PCDHA10: variants seen among roughly 807,000 people sequenced by gnomAD.
The protein encoded by PCDHA10 is protocadherin alpha 10, also known as protocadherin alpha-10.
Under a neutral mutation model 61.2 loss-of-function variants are expected in PCDHA10, and 45 were observed. That is an observed-to-expected ratio of 0.74 (90% confidence interval 0.58 to 0.94). The LOEUF (loss-of-function observed/expected upper bound fraction) is 0.94, where lower values mean the gene tolerates loss of function less well. PCDHA10 is among the 40% of genes least tolerant of loss of function. The pLI, the probability that PCDHA10 is intolerant of heterozygous loss-of-function variation, is 0.00. For synonymous variants in PCDHA10, 602 were observed against 548.8 expected (o/e 1.10, Z -1.35); for missense variants, 1,278 against 1,236.2 (o/e 1.03, Z -0.51).
intron 1 of PCDHA10, chr5:140,869,903 C>A: frequency 1.2e-6 from 2 of 1,610,648 alleles, no homozygotes; most frequent in Non-Finnish European, 1.7e-6. Flanking sequence ...CTAAACGCCA[C>A]AGACCGAGAC....
At chr5:140,927,989 A>T (rs2084847354) in intron 1 of PCDHA10, 1 of 1,614,208 alleles carries the variant, frequency 6.2e-7, no homozygotes, top group African/African-American at 1.3e-5. Flanking sequence ...AGTGTAAAGG[A>T]TGAAGACCTC....
At chr5:140,943,908 C>G (rs1554216015) in intron 1 of PCDHA10, among the ~76,000 whole-genome samples, 1 of 152,198 alleles carries the variant, frequency 6.6e-6, no homozygotes, top group Admixed American at 6.5e-5. Context: ...GTCATGAGCA[C>G]TTTAGCATGA....
intron 1 of PCDHA10, chr5:140,869,471 T>C (rs1554163114): frequency 6.2e-7 from 1 of 1,613,696 alleles, no homozygotes; most frequent in South Asian, 1.1e-5. Flanking sequence ...AACGTGGAGG[T>C]GAAGGACATT....
rs267600397 is a variant in PCDHA10, at chr5:140,856,893, C to T, written c.845C>T (p.Ser282Phe). The T allele has an allele frequency of 6.3e-7, 1 of 1,596,420 alleles. No individual in the cohort carries two copies. The highest frequency in any genetic ancestry group is 8.6e-7 in the Non-Finnish European group (1 of 1,166,276). The change falls in exon 1 of 4, where the codon TCT becomes TTT. Residue 282 changes from serine to phenylalanine, a missense_variant. By Grantham distance (155) the Ser-to-Phe change is radical. Coordinates refer to ENST00000307360, the MANE Select transcript of PCDHA10 (RefSeq NM_018901.4). ...INKEMMYSFS[S>F]LVPPTIRRKF... ...AAGGAAATGATGTATTCATTTAGCT[C>T]TTTGGTCCCACCCACGATAAGAAGG... is the stretch of plus-strand genomic sequence containing the variant.
In PCDHA10 at chr5:140,870,098, A is replaced by G. The variant is rs181372298; in HGVS notation, c.2388+11662A>G. 3.1e-6 allele frequency: 5 copies of G among 1,613,860 alleles called. No individual in the cohort carries two copies. The East Asian group carries it at 1.1e-4, about 36-fold the overall frequency. On this transcript the variant is annotated intron_variant, in intron 1 of 3. Transcript: ENST00000307360. ...AAGGGGACTCCCCCAATGGCAGGTC[A>G]CTGTACAGTCTGGGTGGAAATCTTG... is the stretch of plus-strand genomic sequence containing the variant.
chr5:140,888,620 C>T lies in PCDHA10; in HGVS notation c.2388+30184C>T, dbSNP rs183005411. Among the ~76,000 whole-genome samples the T allele has an allele frequency of 3.4e-3, 514 of 152,264 alleles. 3 individuals are homozygous for T. The highest frequency in any genetic ancestry group is 0.014 in the Middle Eastern group (4 of 294). On this transcript the variant is annotated intron_variant, in intron 1 of 3. Coordinates refer to ENST00000307360, the MANE Select transcript of PCDHA10 (RefSeq NM_018901.4). ...AGCAGCTTTTAGTGTAGCACTAATT[C>T]GGCCTTCTATTACAGCAATACTTTC...
intron 1 of PCDHA10, among the ~76,000 whole-genome samples, chr5:140,961,995 TG>T (rs2095649493): frequency 1.3e-5 from 2 of 152,062 alleles, no homozygotes; most frequent in African/African-American, 4.8e-5. Flanking sequence ...GCCATTGTCC[TG>T]CCTCAGCTTC....
chr5:140,863,361 C>T (rs1562578610), intron 1 of PCDHA10: 1 of 1,203,518 alleles, frequency 8.3e-7, no homozygotes. Flanking sequence ...CGCTGCGGTG[C>T]TTGGCGCAGC....
Position 140,966,695 on chromosome 5 carries a change from C to T in PCDHA10, c.2389-12254C>T, listed in dbSNP as rs2096038904. ...GGGTGGCACGAGCGGAGGCGGGGCC[C>T]GGGCGTGGGGCACGGCTGGGGAAGC... is the stretch of plus-strand genomic sequence containing the variant. On this transcript the variant is annotated intron_variant, in intron 1 of 3. Coordinates refer to ENST00000307360, the MANE Select transcript of PCDHA10 (RefSeq NM_018901.4). 4 of 1,358,486 alleles carry T rather than the reference C, an allele frequency of 2.9e-6. No individual in the cohort carries two copies. In the South Asian group the frequency reaches 5.2e-5, roughly 18 times the overall value. The allele number at this position is 1,358,486 out of a possible 1,614,324, so 84.2% of individuals were successfully genotyped here. A position where few individuals can be genotyped will look rare whatever the true frequency, so the allele number is the denominator to read the frequency against.
chr5:140,978,103 A>T (rs2096789005), intron 1 of PCDHA10, among the ~76,000 whole-genome samples: 1 of 152,106 alleles, frequency 6.6e-6, no homozygotes, highest in South Asian at 2.1e-4. Context: ...AACTCCCCCA[A>T]CAGTCTTTAA....
At chr5:140,897,154 T>C (rs530327361) in intron 1 of PCDHA10, among the ~76,000 whole-genome samples, 1 of 152,332 alleles carries the variant, frequency 6.6e-6, no homozygotes, top group African/African-American at 2.4e-5. Context: ...TTAACCATTC[T>C]TCTACTGTCT....
chr5:140,860,192 C>CATATATATATATATATATATATATATAT (rs143984774), intron 1 of PCDHA10: 29 of 146,842 alleles, frequency 2.0e-4, no homozygotes, highest in South Asian at 1.3e-3. Context: ...GCTCTCCTTA[C>CATATATATATATATATATATATATATAT]ATATATATCT....
At chr5:140,910,925 TA>T (rs2075234137) in intron 1 of PCDHA10, among the ~76,000 whole-genome samples, 2 of 152,226 alleles carry the variant, frequency 1.3e-5, no homozygotes, top group South Asian at 4.2e-4. Flanking sequence ...CTTATATAAA[TA>T]AGAAAGCTCA....
At chr5:140,897,667 A>G (rs2066254740) in intron 1 of PCDHA10, among the ~76,000 whole-genome samples, 1 of 152,134 alleles carries the variant, frequency 6.6e-6, no homozygotes, top group Non-Finnish European at 1.5e-5. Context: ...ATGTGTCTTT[A>G]TAGCAGCATG....
Position 140,856,846 on chromosome 5 carries a change from T to C in PCDHA10, c.798T>C (p.Ser266=). Residue 266 remains serine (S), a synonymous_variant, in exon 1 of 4, where the codon TCT becomes TCC. Coordinates refer to ENST00000307360, the MANE Select transcript of PCDHA10 (RefSeq NM_018901.4). The part of the protein sequence containing the change: ...NQTLVIRLNA[S]DSDEGINKEM... Reference sequence around the variant, plus strand: ...CATTAGTAATACGGCTCAACGCTTCTGATTCGGATGAAGGAATAAACAAGG... The same window carrying C: ...CATTAGTAATACGGCTCAACGCTTCCGATTCGGATGAAGGAATAAACAAGG... 3.8e-6 allele frequency: 6 copies of C among 1,593,220 alleles called. 1 individual carries two copies. Among genetic ancestry groups the C allele is most frequent in the Non-Finnish European group, 5.2e-6 (6 of 1,163,214 alleles).
intron 1 of PCDHA10, chr5:140,863,421 C>A (rs564217392): frequency 7.2e-6 from 5 of 689,680 alleles, no homozygotes; most frequent in Admixed American, 1.9e-5. Context: ...TGTACCGCAG[C>A]GTAGTGGGAT....
intron 1 of PCDHA10, chr5:140,862,649 C>A: frequency 3.7e-6 from 2 of 543,104 alleles, no homozygotes; most frequent in South Asian, 1.4e-5. Context: ...ACAGTGTCCG[C>A]GCGGGACCGG....
intron 3 of PCDHA10, among the ~76,000 whole-genome samples, chr5:141,007,932 A>T (rs150576416): frequency 3.9e-5 from 6 of 152,336 alleles, no homozygotes; most frequent in Non-Finnish European, 7.3e-5. Context: ...CTGGAATTCT[A>T]AGCCACCTTT....
intron 3 of PCDHA10, among the ~76,000 whole-genome samples, chr5:141,001,157 A>T (rs1554258022): frequency 6.6e-6 from 1 of 152,136 alleles, no homozygotes; most frequent in African/African-American, 2.4e-5. Flanking sequence ...TGATCTTAAT[A>T]AGTAAAATTT....
Sources: gnomAD v4.1 joint callset for allele counts (sites outside exome capture counted in the v4.1 genomes callset) on GRCh38, gnomAD v4.1.1 for gene constraint, MANE v1.5 for transcripts, NCBI Gene and HGNC (gene_info 2026-07-23, HGNC 2026-07-21) for gene names.